The following TENM2 variants were observed in gnomAD, a reference collection of about 807,000 sequenced individuals.
TENM2 encodes teneurin-2.
TENM2 carries 52 observed loss-of-function variants against 245.2 expected under a neutral mutation model. That is an observed-to-expected ratio of 0.21 (90% CI 0.17 to 0.27). TENM2 has a LOEUF of 0.27. Ranked by LOEUF, TENM2 falls within the 10% of genes least tolerant of loss-of-function variation. TENM2 has a pLI of 1.00. For synonymous variants in TENM2, 1,363 were observed against 1,438.9 expected, an observed-to-expected ratio of 0.95 and a Z score of 1.19; for missense variants, 3,046 against 3,666.8, an observed-to-expected ratio of 0.83 and a Z score of 4.37.
chr5:167,671,124 G>A (rs941238239), intron 2 of TENM2, among the ~76,000 whole-genome samples: 3 of 152,150 alleles, frequency 2.0e-5, no homozygotes, highest in Admixed American at 2.0e-4. Flanking sequence ...GGATATAGAA[G>A]AAAGGCATCA....
chr5:167,793,568 C>A (rs1765119260), intron 2 of TENM2, among the ~76,000 whole-genome samples: 1 of 152,076 alleles, frequency 6.6e-6, no homozygotes, highest in Non-Finnish European at 1.5e-5. Context: ...GGTGCAGTGG[C>A]TCATGCCTGT....
chr5:167,933,166 T>C (rs1355304880), intron 3 of TENM2, among the ~76,000 whole-genome samples: 1 of 152,246 alleles, frequency 6.6e-6, no homozygotes, highest in Non-Finnish European at 1.5e-5. Flanking sequence ...GAAATTAGTT[T>C]CAAAAACTGC....
intron 27 of TENM2, among the ~76,000 whole-genome samples, chr5:168,256,129 C>T (rs190559185): frequency 1.3e-5 from 2 of 151,732 alleles, no homozygotes; most frequent in East Asian, 3.9e-4. Context: ...AATGGATTTA[C>T]CTAAATGGAA....
At chr5:167,669,955 C>A (rs1261726581) in intron 2 of TENM2, among the ~76,000 whole-genome samples, 5 of 151,746 alleles carry the variant, frequency 3.3e-5, no homozygotes, top group Non-Finnish European at 7.4e-5. Flanking sequence ...TGTTTTGATT[C>A]TGAGTATAGC....
intron 2 of TENM2, among the ~76,000 whole-genome samples, chr5:167,422,911 G>A (rs917759387): frequency 1.3e-5 from 2 of 152,116 alleles, no homozygotes; most frequent in Non-Finnish European, 2.9e-5. Flanking sequence ...TTCATCCAAA[G>A]ATAAGGAAAG....
At chr5:167,897,365 A>T (rs755820242) in intron 3 of TENM2, among the ~76,000 whole-genome samples, 3 of 152,026 alleles carry the variant, frequency 2.0e-5, no homozygotes, top group Non-Finnish European at 4.4e-5. Context: ...CACAATCAAG[A>T]CAGCCCTGGT....
chr5:167,078,175 A>G, the TENM2 span, among the ~76,000 whole-genome samples: 1 of 152,066 alleles, frequency 6.6e-6, no homozygotes, highest in Non-Finnish European at 1.5e-5. Flanking sequence ...GGTCAATAGA[A>G]CATGGGTTAC....
chr5:167,968,497 T>C (rs1012575201), intron 4 of TENM2, among the ~76,000 whole-genome samples: 1 of 152,218 alleles, frequency 6.6e-6, no homozygotes, highest in African/African-American at 2.4e-5. Context: ...AGAGCTTCAA[T>C]TGCGAACCAG....
At chr5:167,742,916 T>A (rs1761286196) in intron 2 of TENM2, among the ~76,000 whole-genome samples, 1 of 151,942 alleles carries the variant, frequency 6.6e-6, no homozygotes, top group Non-Finnish European at 1.5e-5. Flanking sequence ...TGCAGTGAGC[T>A]ATGATCATGC....
chr5:168,217,194 G>C (rs1763273701), intron 22 of TENM2, among the ~76,000 whole-genome samples: 1 of 152,128 alleles, frequency 6.6e-6, no homozygotes, highest in Admixed American at 6.5e-5. Context: ...CAGATTACAG[G>C]GTAGAAGCTG....
At chr5:167,031,308 C>G in the TENM2 span, among the ~76,000 whole-genome samples, 1 of 152,300 alleles carries the variant, frequency 6.6e-6, no homozygotes, top group African/African-American at 2.4e-5. Context: ...ACCAAAGCTA[C>G]AGAGAATTTT....
intron 2 of TENM2, among the ~76,000 whole-genome samples, chr5:167,824,431 C>T (rs1367533758): frequency 1.3e-5 from 2 of 152,110 alleles, no homozygotes; most frequent in Non-Finnish European, 2.9e-5. Context: ...GCTGGCAACC[C>T]TCAGAGCTCA....
intron 13 of TENM2, among the ~76,000 whole-genome samples, chr5:168,167,438 C>T (rs1442552407): frequency 1.3e-5 from 2 of 152,106 alleles, no homozygotes; most frequent in African/African-American, 2.4e-5. Context: ...AAGCCGGCAT[C>T]GGAGTGAGTC....
At chr5:167,389,540 C>G (rs567562972) in intron 2 of TENM2, among the ~76,000 whole-genome samples, 3 of 151,998 alleles carry the variant, frequency 2.0e-5, no homozygotes, top group Admixed American at 1.3e-4. Flanking sequence ...TAATGTAATC[C>G]ATTTCCTCAA....
chr5:167,893,004 A>G (rs1363203), intron 3 of TENM2, among the ~76,000 whole-genome samples: 62,446 of 152,046 alleles, frequency 0.41, 15,419 homozygotes, highest in Non-Finnish European at 0.55. Context: ...GTCCTGATTA[A>G]CTCATTATGA....
At chr5:167,297,875 C>T (rs1320224998) in intron 1 of TENM2, among the ~76,000 whole-genome samples, 1 of 151,846 alleles carries the variant, frequency 6.6e-6, no homozygotes, top group African/African-American at 2.4e-5. Context: ...CAGGATGAGC[C>T]AGGAGAAGGA....
chr5:167,501,278 T>C (rs1035743003), intron 2 of TENM2, among the ~76,000 whole-genome samples: 3 of 152,152 alleles, frequency 2.0e-5, no homozygotes, highest in African/African-American at 7.2e-5. Context: ...TGGGCTGGCC[T>C]TGCCAATGGT....
At chr5:167,293,880 A>G (rs1754798116) in intron 1 of TENM2, among the ~76,000 whole-genome samples, 1 of 152,026 alleles carries the variant, frequency 6.6e-6, no homozygotes, top group Non-Finnish European at 1.5e-5. Flanking sequence ...AGAAGAGATT[A>G]TGCTGCATCT....
chr5:167,839,097 T>A (rs1769254937), intron 2 of TENM2, among the ~76,000 whole-genome samples: 1 of 152,234 alleles, frequency 6.6e-6, no homozygotes, highest in African/African-American at 2.4e-5. Flanking sequence ...ATTGTTATGA[T>A]TAAAACTTGA....
Sources: gnomAD v4.1 joint callset for allele counts (sites outside exome capture counted in the v4.1 genomes callset) on GRCh38, gnomAD v4.1.1 for gene constraint, MANE v1.5 for transcripts, NCBI Gene and HGNC (gene_info 2026-07-23, HGNC 2026-07-21) for gene names.